Variants in CIRBP observed in about 807,000 individuals in gnomAD.
CIRBP encodes cold-inducible RNA-binding protein.
CIRBP carries 11 observed loss-of-function variants against 22.3 expected under a neutral mutation model. The observed-to-expected ratio is 0.49, with a 90% CI of 0.31 to 0.82. The LOEUF is 0.82. CIRBP is among the 40% of genes least tolerant of loss of function. The pLI is 0.05. For synonymous variants in CIRBP, 216 were observed against 158.8 expected, an observed-to-expected ratio of 1.36 and a Z score of -2.71; for missense variants, 456 against 402.7, an observed-to-expected ratio of 1.13 and a Z score of -1.13.
chr19:1,269,628 G>A (rs1600013097), intron 1 of CIRBP, among the ~76,000 whole-genome samples: 1 of 151,944 alleles, frequency 6.6e-6, no homozygotes, highest in South Asian at 2.1e-4. Flanking sequence ...GGTTGCCGCC[G>A]CAAAATGGCG....
chr19:1,274,682 C>A lies in CIRBP; in HGVS notation c.*2239C>A. ...TCGCCAGTGAGGTGCGGGCTCAGGG[C>A]CTCGAGTCTCTCCTGGAGCACGGGC... On this transcript the variant is annotated 3_prime_UTR_variant, in exon 6 of 6. Transcript: ENST00000587896. 5.2e-6 allele frequency: 1 copy of A among 191,322 alleles called. No individual in the cohort carries two copies. 11.9% of individuals were successfully genotyped at this position (191,322 alleles called of 1,614,324 possible). A position where few individuals can be genotyped will look rare whatever the true frequency, so the allele number is the denominator to read the frequency against.
At position 1,274,060 on chromosome 19, in the gene CIRBP, C is replaced by T; in HGVS notation, c.*1617C>T. On this transcript the variant is annotated 3_prime_UTR_variant, in exon 6 of 6. Coordinates refer to ENST00000587896, the MANE Select transcript of CIRBP (RefSeq NM_001300829.2). The stretch of plus-strand genomic sequence containing the variant: ...ACTTAGCTTTCTCTGATGTCTGTTG[C>T]CGCCATTAGTTTTTTTCTAGAGCCC... 1 of 364,834 alleles carries T rather than the reference C, an allele frequency of 2.7e-6. No homozygotes were observed. The highest frequency in any genetic ancestry group is 4.9e-6 in the Non-Finnish European group (1 of 204,876). The allele number at this position is 364,834 out of a possible 1,614,324, so 22.6% of individuals were successfully genotyped here. A position where few individuals can be genotyped will look rare whatever the true frequency, so the allele number is the denominator to read the frequency against.
At position 1,271,893 on chromosome 19, in the gene CIRBP, C is replaced by G; in HGVS notation, c.432-88C>G. The stretch of plus-strand genomic sequence containing the variant: ...CTTGTTGTGTCCCCAGAAGGGACGG[C>G]TGGCATGGGGGCTGGCGGCTCAGCC... On this transcript the variant is annotated intron_variant, in intron 5 of 5. Coordinates refer to ENST00000587896, the MANE Select transcript of CIRBP (RefSeq NM_001300829.2). The G allele has an allele frequency of 3.3e-6, 4 of 1,208,130 alleles. No individual in the cohort carries two copies. The South Asian group carries it at 5.5e-5, about 17-fold the overall frequency. 74.8% of individuals were successfully genotyped at this position (1,208,130 alleles called of 1,614,324 possible).
At chr19:1,271,779 T>C in intron 5 of CIRBP, 147 bp downstream of exon 5, 2 of 699,950 alleles carry the variant, frequency 2.9e-6, no homozygotes, top group Non-Finnish European at 4.8e-6. Flanking sequence ...GAGAGGAGAC[T>C]GCTCAGGACA....
Position 1,271,252 on chromosome 19 carries a change from G to A in CIRBP, c.210+6G>A. 6.2e-7 allele frequency: 1 copy of A among 1,614,026 alleles called. No individual in the cohort carries two copies. Among genetic ancestry groups the A allele is most frequent in the African/African-American group, 1.3e-5 (1 of 75,058 alleles). On this transcript the variant is annotated splice_donor_region_variant and intron_variant, in intron 3 of 5. Transcript: ENST00000587896. ...TGATGGCCATGAATGGGAAGGTGAG[G>A]ATCAGGGTGCTGAGCAGGAGTCCCG...
At position 1,272,419 on chromosome 19, in the gene CIRBP, G is replaced by A. The variant is rs2081358708; in HGVS notation, c.870G>A (p.Leu290=). 1 of 1,562,692 alleles carries A rather than the reference G, an allele frequency of 6.4e-7. No individual in the cohort carries two copies. The highest frequency in any genetic ancestry group is 8.7e-7 in the Non-Finnish European group (1 of 1,155,548). ...TGCCTTTACACTGTGCCTGCTTCTT[G>A]TCCTCAGCTACACACAACGAGTAAA... The part of the protein sequence containing the change: ...ASVPLHCACF[L]SSATHNE The change falls in exon 6 of 6, where the codon TTG becomes TTA. Residue 290 remains leucine, a synonymous_variant. Coordinates refer to ENST00000587896, the MANE Select transcript of CIRBP (RefSeq NM_001300829.2).
chr19:1,274,176 GAGCCTGAGGTCACAGCCCCCTGACT>G lies in CIRBP; in HGVS notation c.*1742_*1766del, dbSNP rs2081385915. On this transcript the variant is annotated 3_prime_UTR_variant, in exon 6 of 6. Coordinates refer to ENST00000587896, the MANE Select transcript of CIRBP (RefSeq NM_001300829.2). ...GCCCTGGGCATGCTGGCCTGTGACG[GAGCCTGAGGTCACAGCCCCCTGACT>G]AGCCTGAGACCTTCCTAGGGGCTGT... The G allele has an allele frequency of 2.5e-6, 1 of 396,896 alleles. No homozygotes were observed. The highest frequency in any genetic ancestry group is 2.1e-5 in the African/African-American group (1 of 48,718). The allele number at this position is 396,896 out of a possible 1,614,324, so 24.6% of individuals were successfully genotyped here. A position where few individuals can be genotyped will look rare whatever the true frequency, so the allele number is the denominator to read the frequency against.
chr19:1,270,132 C>A (rs763846849), intron 1 of CIRBP: 1 of 516,440 alleles, frequency 1.9e-6, no homozygotes, highest in Admixed American at 1.9e-5. Flanking sequence ...TTATCACTTC[C>A]GGGGCCATCC....
rs2081391263 is a variant in CIRBP, at chr19:1,274,555, GGT to G, written c.*2119_*2120del. ...TATGGCCCCATGGCGGGCGCCTTTC[GGT>G]GTGTGTTGGGTGCAGGGCAGCGCCT... On this transcript the variant is annotated 3_prime_UTR_variant, in exon 6 of 6. Coordinates refer to ENST00000587896, the MANE Select transcript of CIRBP (RefSeq NM_001300829.2). 1.1e-5 allele frequency: 4 copies of G among 361,010 alleles called. No homozygotes were observed. The highest frequency in any genetic ancestry group is 1.5e-5 in the Non-Finnish European group (3 of 202,610). The allele number at this position is 361,010 out of a possible 1,614,324, so 22.4% of individuals were successfully genotyped here.
chr19:1,270,919 C>T lies in CIRBP; in HGVS notation c.-6-9C>T, dbSNP rs1277073976. The T allele has an allele frequency of 6.2e-7, 1 of 1,602,174 alleles. No homozygotes were observed. Among genetic ancestry groups the T allele is most frequent in the Non-Finnish European group, 8.6e-7 (1 of 1,169,364 alleles). ...CCCCTGTTGAGGATTTCATTGGTGT[C>T]TGCCACAGGCCGCCATGGCATCAGA... On this transcript the variant is annotated splice_polypyrimidine_tract_variant and intron_variant, in intron 1 of 5. Transcript: ENST00000587896.
At chr19:1,271,849 ATGC>A in intron 5 of CIRBP, 129 bp from the exon 6 acceptor site, 1 of 819,586 alleles carries the variant, frequency 1.2e-6, no homozygotes, top group Non-Finnish European at 2.0e-6. Flanking sequence ...AATTTCCAAG[ATGC>A]TGCCCTGCTG....
chr19:1,271,907 G>C, intron 5 of CIRBP, 74 bp from the exon 6 acceptor site: 3 of 1,344,990 alleles, frequency 2.2e-6, no homozygotes, highest in Non-Finnish European at 2.1e-6. Context: ...CATGGGGGCT[G>C]GCGGCTCAGC....
Position 1,274,044 on chromosome 19 carries a change from T to C in CIRBP, c.*1601T>C. ...TTAAGTCACACTCTTAACTTAGCTT[T>C]CTCTGATGTCTGTTGCCGCCATTAG... On this transcript the variant is annotated 3_prime_UTR_variant, in exon 6 of 6. Transcript: ENST00000587896. The C allele has an allele frequency of 2.9e-6, 1 of 345,572 alleles. No homozygotes were observed. Among genetic ancestry groups the C allele is most frequent in the Non-Finnish European group, 5.2e-6 (1 of 192,618 alleles). 21.4% of individuals were successfully genotyped at this position (345,572 alleles called of 1,614,324 possible). A position where few individuals can be genotyped will look rare whatever the true frequency, so the allele number is the denominator to read the frequency against.
rs766932411 is a variant in CIRBP at position 1,272,083 on chromosome 19, G to C, written c.534G>C (p.Leu178=). The C allele has an allele frequency of 6.2e-7, 1 of 1,614,128 alleles. No homozygotes were observed. The highest frequency in any genetic ancestry group is 1.7e-5 in the Admixed American group (1 of 60,036). Reference sequence around the variant, plus strand: ...CACACTCCGAGGGCGCCACGCTGCTGTGGCCTGCGGTGGGAGCTCGGTTCA... The same window carrying C: ...CACACTCCGAGGGCGCCACGCTGCTCTGGCCTGCGGTGGGAGCTCGGTTCA... ...GKSHSEGATL[L]WPAVGARFTL... The change falls in exon 6 of 6, where the codon CTG becomes CTC. Residue 178 remains leucine, a synonymous_variant. Coordinates refer to ENST00000587896, the MANE Select transcript of CIRBP (RefSeq NM_001300829.2).
chr19:1,272,713 GTT>G lies in CIRBP; in HGVS notation c.*273_*274del, dbSNP rs2081363551. ...TTACTTTTTTGACCACGAGCCATGAGTTTTCAAAAAAATCGGGGGTTGTGTGG... is the reference window on the plus strand; with the variant it reads ...TTACTTTTTTGACCACGAGCCATGAGTTCAAAAAAATCGGGGGTTGTGTGG... On this transcript the variant is annotated 3_prime_UTR_variant, in exon 6 of 6. Coordinates refer to ENST00000587896, the MANE Select transcript of CIRBP (RefSeq NM_001300829.2). 3.1e-6 allele frequency: 1 copy of G among 325,116 alleles called. No individual in the cohort carries two copies. Among genetic ancestry groups the G allele is most frequent in the Non-Finnish European group, 5.6e-6 (1 of 178,494 alleles). 20.1% of individuals were successfully genotyped at this position (325,116 alleles called of 1,614,324 possible).
intron 1 of CIRBP, chr19:1,269,701 C>T (rs1037509112): frequency 4.3e-5 from 15 of 349,922 alleles, no homozygotes; most frequent in Admixed American, 7.8e-5. Context: ...GATGGAGTGG[C>T]GCAGGGTGCG....
intron 1 of CIRBP, among the ~76,000 whole-genome samples, chr19:1,269,663 G>A (rs936899417): frequency 1.3e-5 from 2 of 151,916 alleles, no homozygotes; most frequent in African/African-American, 4.8e-5. Context: ...GCTGTGCCCA[G>A]CGAAATGGCG....
intron 1 of CIRBP, 108 bp downstream of exon 1, chr19:1,269,518 C>T (rs1378058984): frequency 6.5e-6 from 1 of 153,990 alleles, no homozygotes; most frequent in African/African-American, 2.4e-5. Flanking sequence ...GGGGCGGGCC[C>T]GGGGTGGAGT....
chr19:1,270,200 C>T (rs1335263965), intron 1 of CIRBP: 3 of 448,368 alleles, frequency 6.7e-6, no homozygotes, highest in African/African-American at 2.0e-5. Context: ...CCTGAGGTGC[C>T]CCCCAGGACG....
Sources: allele counts gnomAD v4.1 joint callset (sites outside exome capture counted in the v4.1 genomes callset), GRCh38; gene constraint gnomAD v4.1.1; transcripts MANE v1.5; gene names NCBI Gene and HGNC (gene_info 2026-07-23, HGNC 2026-07-21).